The following MTAP variants were observed in gnomAD, a reference collection of about 807,000 sequenced individuals.
The protein encoded by MTAP is S-methyl-5'-thioadenosine phosphorylase.
In MTAP, 33 loss-of-function variants were observed where a neutral mutation model predicts 33.6. That is an observed-to-expected ratio of 0.98 (90% CI 0.74 to 1.31). The LOEUF is 1.31. MTAP is among the 40% of genes most tolerant of loss of function. MTAP has a pLI of 0.00. For synonymous variants in MTAP, 148 were observed against 125.7 expected (o/e 1.18, Z -1.19); for missense variants, 367 against 360.0 (o/e 1.02, Z -0.16).
At chr9:21,849,918 T>C (rs1825471719) in intron 5 of MTAP, among the ~76,000 whole-genome samples, 1 of 152,242 alleles carries the variant, frequency 6.6e-6, no homozygotes, top group Admixed American at 6.5e-5. Context: ...AAAATGCCTT[T>C]TTCTCTATAT....
chr9:21,897,518 G>C (rs1046713216), intron 1 of MTAP, among the ~76,000 whole-genome samples: 1 of 152,178 alleles, frequency 6.6e-6, no homozygotes, highest in East Asian at 1.9e-4. Flanking sequence ...AAGCTGATAA[G>C]TAACTTCAGC....
At chr9:21,857,938 A>G (rs1825674654) in intron 6 of MTAP, among the ~76,000 whole-genome samples, 1 of 152,116 alleles carries the variant, frequency 6.6e-6, no homozygotes, top group South Asian at 2.1e-4. Context: ...TGTCCTCTGT[A>G]TTGTCTATAA....
At chr9:21,898,641 A>G (rs1365259616) in intron 1 of MTAP, among the ~76,000 whole-genome samples, 2 of 152,238 alleles carry the variant, frequency 1.3e-5, no homozygotes, top group Non-Finnish European at 2.9e-5. Flanking sequence ...AATGTTCATC[A>G]TCACTGGCCA....
chr9:21,864,060 C>T lies in MTAP; in HGVS notation c.*2046C>T, dbSNP rs1825807492. 1 of 985,342 alleles carries T rather than the reference C, an allele frequency of 1.0e-6. No individual in the cohort carries two copies. Among genetic ancestry groups the T allele is most frequent in the Non-Finnish European group, 1.2e-6 (1 of 829,932 alleles). The allele number at this position is 985,342 out of a possible 1,614,324, so 61.0% of individuals were successfully genotyped here. A position where few individuals can be genotyped will look rare whatever the true frequency, so the allele number is the denominator to read the frequency against. Reference sequence around the variant, plus strand: ...GATACATAGATGGTACCTTACTTTTCCTCATTCTTAATAGGTGTCTAAGAA... The same window carrying T: ...GATACATAGATGGTACCTTACTTTTTCTCATTCTTAATAGGTGTCTAAGAA... On this transcript the variant is annotated 3_prime_UTR_variant, in exon 8 of 8. Coordinates refer to ENST00000644715, the MANE Select transcript of MTAP (RefSeq NM_002451.4).
chr9:21,873,554 T>C (rs1450686206), intron 1 of MTAP, among the ~76,000 whole-genome samples: 5 of 151,428 alleles, frequency 3.3e-5, no homozygotes, highest in Non-Finnish European at 5.9e-5. Flanking sequence ...TGAAGTAGAG[T>C]GGGCCCTCAT....
chr9:21,916,980 G>A (rs1406781117), intron 1 of MTAP, among the ~76,000 whole-genome samples: 1 of 152,108 alleles, frequency 6.6e-6, no homozygotes, highest in Non-Finnish European at 1.5e-5. Context: ...TCAAGGTGAA[G>A]AAAAAAGGTC....
intron 1 of MTAP, among the ~76,000 whole-genome samples, chr9:21,916,122 G>GGAAGGAA (rs1296578788): frequency 0.033 from 3,998 of 122,416 alleles, 145 homozygotes; most frequent in African/African-American, 0.076. Flanking sequence ...GAAGGAAGGA[G>GGAAGGAA]GGAGGGAAGG....
chr9:21,868,749 C>T (rs1825892410), downstream of MTAP, among the ~76,000 whole-genome samples: 1 of 152,248 alleles, frequency 6.6e-6, no homozygotes, highest in Admixed American at 6.5e-5. Flanking sequence ...CTTTCAAGAC[C>T]CCCCTCTGCT....
chr9:21,936,333 G>A (rs1362095490), exon 8 of MTAP: 2 of 152,182 alleles, frequency 1.3e-5, no homozygotes, highest in African/African-American at 2.4e-5. Flanking sequence ...GAACCACACT[G>A]TATTGTTTGG....
intron 1 of MTAP, among the ~76,000 whole-genome samples, chr9:21,925,508 G>A (rs1818854438): frequency 6.6e-6 from 1 of 152,214 alleles, no homozygotes; most frequent in Admixed American, 6.5e-5. Flanking sequence ...ACTATTGGCT[G>A]CCCTAAAAAT....
At chr9:21,816,830 A>T (rs1450044568) in intron 3 of MTAP, 58 bp downstream of exon 3, 5 of 1,442,352 alleles carry the variant, frequency 3.5e-6, no homozygotes, top group Non-Finnish European at 4.8e-6. Flanking sequence ...AATTTAACTT[A>T]AATTCTGGAA....
At chr9:21,859,123 C>T in intron 6 of MTAP, 180 bp from the exon 7 acceptor site, 1 of 721,166 alleles carries the variant, frequency 1.4e-6, no homozygotes, top group Non-Finnish European at 2.2e-6. Context: ...GCCTTCATGA[C>T]CTAATTGCCT....
intron 5 of MTAP, among the ~76,000 whole-genome samples, chr9:21,839,498 A>G (rs188320074): frequency 6.6e-6 from 1 of 152,340 alleles, no homozygotes; most frequent in Admixed American, 6.5e-5. Context: ...ATGGAGCTGT[A>G]TAGAGCACAT....
At chr9:21,840,925 G>C (rs892949474) in intron 5 of MTAP, among the ~76,000 whole-genome samples, 1 of 152,150 alleles carries the variant, frequency 6.6e-6, no homozygotes, top group Non-Finnish European at 1.5e-5. Context: ...AGTGAGACTA[G>C]CCTCACCAAC....
intron 1 of MTAP, among the ~76,000 whole-genome samples, chr9:21,896,992 C>G (rs1011320003): frequency 5.9e-5 from 9 of 152,080 alleles, no homozygotes; most frequent in South Asian, 2.1e-4. Context: ...TAAAATACTG[C>G]CAAACCGAAT....
chr9:21,806,181 A>G (rs1824203491), intron 1 of MTAP, among the ~76,000 whole-genome samples: 1 of 152,118 alleles, frequency 6.6e-6, no homozygotes, highest in Admixed American at 6.5e-5. Flanking sequence ...GGGAAGAGCT[A>G]AGAGATCAGG....
chr9:21,923,608 C>T (rs1818821670), intron 1 of MTAP, among the ~76,000 whole-genome samples: 1 of 152,150 alleles, frequency 6.6e-6, no homozygotes, highest in South Asian at 2.1e-4. Flanking sequence ...TCTACTCAAG[C>T]ATTTCTTCTG....
Position 21,833,992 on chromosome 9 carries a change from A to G in MTAP, c.348-3916A>G, listed in dbSNP as rs1211468328. 2.0e-5 allele frequency among the ~76,000 whole-genome samples: 3 copies of G among 151,570 alleles called. No individual in the cohort carries two copies. In the East Asian group the frequency reaches 5.8e-4, roughly 29 times the overall value. On this transcript the variant is annotated intron_variant, in intron 4 of 7. Transcript: ENST00000644715. Reference sequence around the variant, plus strand: ...ATCATTTTGTCTCCTTTACTTTTCCATAGGCTGTTTTTTTTTATTTGTCTA... The same window carrying G: ...ATCATTTTGTCTCCTTTACTTTTCCGTAGGCTGTTTTTTTTTATTTGTCTA...
At chr9:21,859,566 C>G (rs1587255310) in intron 7 of MTAP, 141 bp downstream of exon 7, 1 of 851,794 alleles carries the variant, frequency 1.2e-6, no homozygotes, top group African/African-American at 1.8e-5. Context: ...TCTACTACTA[C>G]CATACCAACC....
Sources: gnomAD v4.1 joint callset for allele counts (sites outside exome capture counted in the v4.1 genomes callset) on GRCh38, gnomAD v4.1.1 for gene constraint, MANE v1.5 for transcripts, NCBI Gene and HGNC (gene_info 2026-07-23, HGNC 2026-07-21) for gene names.